The following SCNN1D variants were observed in gnomAD, a reference collection of about 807,000 sequenced individuals.
SCNN1D encodes the protein epithelial sodium channel subunit delta.
SCNN1D carries 104 observed loss-of-function variants against 87.8 expected under a neutral mutation model. The ratio of observed to expected loss-of-function variants is 1.18; its 90% CI spans 1.01 to 1.39. The LOEUF is 1.39. Ranked by LOEUF, SCNN1D falls within the 40% of genes most tolerant of loss-of-function variation. SCNN1D has a pLI of 0.00. For synonymous variants in SCNN1D, 628 were observed against 481.2 expected, an observed-to-expected ratio of 1.31 and a Z score of -3.99; for missense variants, 1,324 against 1,093.9, an observed-to-expected ratio of 1.21 and a Z score of -2.97.
At chr1:1,290,235 C>A (rs1017689918) in intron 12 of SCNN1D, 36 bp from the exon 13 acceptor site, 1 of 1,477,850 alleles carries the variant, frequency 6.8e-7, no homozygotes, top group Non-Finnish European at 9.2e-7. Flanking sequence ...TGTCTCCGCT[C>A]CATCCCATGT....
At chr1:1,290,100 CTG>C (rs1557586202) in intron 12 of SCNN1D, among the ~76,000 whole-genome samples, 169 bp from the exon 13 acceptor site, 1 of 141,850 alleles carries the variant, frequency 7.0e-6, no homozygotes, top group Non-Finnish European at 1.6e-5. Flanking sequence ...TCCCGTGTCT[CTG>C]CTCCGTCCCG....
chr1:1,285,137 G>T (rs187021254), intron 5 of SCNN1D, among the ~76,000 whole-genome samples: 1 of 152,194 alleles, frequency 6.6e-6, no homozygotes, highest in Non-Finnish European at 1.5e-5. Context: ...CCACACACCC[G>T]AGGGGAGCCG....
Position 1,291,469 on chromosome 1 carries a change from C to T in SCNN1D, c.2268C>T (p.Pro756=), listed in dbSNP as rs768227831. ...TCAAGCCAGAGGCCAGTCAGATGCC[C>T]CCGCCTGCAGGCGGCACGTCAGATG... ...SSIKPEASQM[P]PPAGGTSDDP... is the part of the protein sequence containing the mutation. The change falls in exon 18 of 18, where the codon CCC becomes CCT. Residue 756 remains proline (P), a synonymous_variant. Coordinates refer to ENST00000379116, the MANE Select transcript of SCNN1D (RefSeq NM_001130413.4). 9 of 1,608,526 alleles carry T rather than the reference C, an allele frequency of 5.6e-6. No homozygotes were observed. In the South Asian group the frequency reaches 8.8e-5, roughly 16 times the overall value.
chr1:1,290,033 CCGTCCCGTGTCCCTGCT>C, intron 12 of SCNN1D, among the ~76,000 whole-genome samples: 1 of 92,840 alleles, frequency 1.1e-5, no homozygotes, highest in African/African-American at 6.4e-5. Context: ...TGTCTCTGCT[CCGTCCCGTGTCCCTGCT>C]CCGTCCCGTG....
intron 4 of SCNN1D, 77 bp downstream of exon 4, chr1:1,282,392 A>G (rs1475965717): frequency 9.4e-6 from 14 of 1,493,158 alleles, no homozygotes; most frequent in Non-Finnish European, 1.2e-5. Flanking sequence ...AGCCAAGCCC[A>G]GGGACCCAGC....
At chr1:1,287,010 G>A in intron 8 of SCNN1D, 35 bp downstream of exon 8, 1 of 1,599,742 alleles carries the variant, frequency 6.3e-7, no homozygotes, top group Non-Finnish European at 8.5e-7. Flanking sequence ...AGCCATCAGG[G>A]CCTTGAGCTG....
At position 1,291,140 on chromosome 1, in the gene SCNN1D, G is replaced by C. The variant is rs139384205; in HGVS notation, c.2052G>C (p.Ser684=). ...CAGTGGAGGAGGCGCCCGTGTACTC[G>C]GTGAGCCTTGGCCCCCTGCCTGGGC... ...YRSVEEAPVY[S]VPQLLSAMGS... The change falls in exon 17 of 18, where the codon TCG becomes TCC. Residue 684 remains serine (S), a splice_region_variant and synonymous_variant. Transcript: ENST00000379116. 2.5e-6 allele frequency: 4 copies of C among 1,611,144 alleles called. No individual in the cohort carries two copies. Among genetic ancestry groups the C allele is most frequent in the Non-Finnish European group, 3.4e-6 (4 of 1,179,346 alleles).
rs1326267734 is a variant in SCNN1D, at chr1:1,288,513, CCGTGTCCCTGCTCCGT to C, written c.1662+478_1662+493del. 8.2e-4 allele frequency among the ~76,000 whole-genome samples: 92 copies of C among 111,550 alleles called. 2 individuals carry two copies. Among genetic ancestry groups the C allele is most frequent in the East Asian group, 1.7e-3 (6 of 3,550 alleles). 73.2% of individuals were successfully genotyped at this position (111,550 alleles called of 152,430 possible). ...CTCCGTCCCGTGTCTCTGCCCCGTC[CCGTGTCCCTGCTCCGT>C]CCCGTGTCTCTGCTCCGTCCCCCGT... On this transcript the variant is annotated intron_variant, in intron 12 of 17. Transcript: ENST00000379116.
Position 1,291,777 on chromosome 1 carries a change from T to G in SCNN1D, c.*167T>G. On this transcript the variant is annotated 3_prime_UTR_variant, in exon 18 of 18. Transcript: ENST00000379116. Reference sequence around the variant, plus strand: ...TGTCGGCGCCTCTGGTCAAACCACCTACACTGCCTGGGGTGGGTCTCAAGG... The same window carrying G: ...TGTCGGCGCCTCTGGTCAAACCACCGACACTGCCTGGGGTGGGTCTCAAGG... 2.0e-6 allele frequency: 1 copy of G among 508,732 alleles called. No individual in the cohort carries two copies. Among genetic ancestry groups the G allele is most frequent in the Non-Finnish European group, 3.4e-6 (1 of 296,730 alleles). The allele number at this position is 508,732 out of a possible 1,614,324, so 31.5% of individuals were successfully genotyped here.
rs1046767851 is a variant in SCNN1D, at chr1:1,281,218, A to G, written c.6-8A>G. On this transcript the variant is annotated splice_region_variant and splice_polypyrimidine_tract_variant and intron_variant, in intron 1 of 17. Coordinates refer to ENST00000379116, the MANE Select transcript of SCNN1D (RefSeq NM_001130413.4). The stretch of plus-strand genomic sequence containing the variant: ...GTCCCACAGATGCCAGGCGCCTGCC[A>G]TCTCCAGGGCAGTGCTGTCACAGAA... 25 of 1,534,874 alleles carry G rather than the reference A, an allele frequency of 1.6e-5. No homozygotes were observed. The highest frequency in any genetic ancestry group is 2.4e-5 in the East Asian group (1 of 40,922).
chr1:1,283,684 G>A lies in SCNN1D; in HGVS notation c.352-294G>A, dbSNP rs12072430. ...TTGCACTCCAACCTGGGCAACAAGA[G>A]TGAGACTCCATCTCAAGAAAAGAAA... On this transcript the variant is annotated intron_variant, in intron 4 of 17. Transcript: ENST00000379116. 4.9e-3 allele frequency among the ~76,000 whole-genome samples: 746 copies of A among 152,130 alleles called. 4 individuals carry two copies. Among genetic ancestry groups the A allele is most frequent in the African/African-American group, 0.017 (709 of 41,534 alleles).
At position 1,280,560 on chromosome 1, in the gene SCNN1D, C is replaced by A; in HGVS notation, c.-102C>A. On this transcript the variant is annotated 5_prime_UTR_variant, in exon 1 of 18. Coordinates refer to ENST00000379116, the MANE Select transcript of SCNN1D (RefSeq NM_001130413.4). The stretch of plus-strand genomic sequence containing the variant: ...AAGGTCTTATCGCAGATGAAGCCAC[C>A]AGGTCACAAGCCTCAGAGAGAATCA... 1 of 664,654 alleles carries A rather than the reference C, an allele frequency of 1.5e-6. No individual in the cohort carries two copies. Among genetic ancestry groups the A allele is most frequent in the Non-Finnish European group, 2.8e-6 (1 of 357,316 alleles). The allele number at this position is 664,654 out of a possible 1,614,324, so 41.2% of individuals were successfully genotyped here. A position where few individuals can be genotyped will look rare whatever the true frequency, so the allele number is the denominator to read the frequency against.
Position 1,290,430 on chromosome 1 carries a change from C to CGGG in SCNN1D, c.1781-43_1781-41dup, listed in dbSNP as rs5772040. ...GCCTCCCACTCTGTCAGCCATTAGC[C>CGGG]GGGGGGTCACAGCGAGCCTCACACA... On this transcript the variant is annotated intron_variant, in intron 13 of 17. Transcript: ENST00000379116. The CGGG allele has an allele frequency of 4.7e-5, 75 of 1,610,542 alleles. No homozygotes were observed. In the African/African-American group the frequency reaches 4.7e-4, roughly 10 times the overall value.
intron 4 of SCNN1D, 66 bp downstream of exon 4, chr1:1,282,381 C>G (rs1570600918): frequency 6.6e-7 from 1 of 1,521,910 alleles, no homozygotes; most frequent in Non-Finnish European, 8.9e-7. Context: ...TGGGCTCCCC[C>G]AGCCAAGCCC....
intron 5 of SCNN1D, among the ~76,000 whole-genome samples, chr1:1,284,547 G>T (rs148785903): frequency 3.5e-5 from 5 of 144,676 alleles, no homozygotes; most frequent in African/African-American, 7.6e-5. Flanking sequence ...GCTGGACCAC[G>T]GGGGGTGCAC....
intron 4 of SCNN1D, 139 bp from the exon 5 acceptor site, chr1:1,283,839 A>C: frequency 2.2e-6 from 1 of 462,546 alleles, no homozygotes; most frequent in Non-Finnish European, 3.8e-6. Context: ...CAGGATGGGA[A>C]AGATTTCACC....
rs750188539 is a variant in SCNN1D, at chr1:1,287,819, A to G, written c.1546A>G (p.Thr516Ala). Residue 516 changes from threonine (T) to alanine (A), a missense_variant, in exon 11 of 18, where the codon ACC (threonine) becomes GCC (alanine). Transcript: ENST00000379116. The stretch of plus-strand genomic sequence containing the variant: ...CAGCGTCCGGCCAGGGACGGAGGCC[A>G]CCATCAGCATCCGAGAGGTGAGCTG... Reference protein sequence around the residue: ...SFSVRPGTEATISIREDEVHR... With the variant: ...SFSVRPGTEAAISIREDEVHR... 5 of 1,562,912 alleles carry G rather than the reference A, an allele frequency of 3.2e-6. No homozygotes were observed. The highest frequency in any genetic ancestry group is 4.3e-6 in the Non-Finnish European group (5 of 1,153,150).
Position 1,291,365 on chromosome 1 carries a change from C to T in SCNN1D, c.2164C>T (p.Leu722=). ...ELLLDASALT[L]VLGGRRLRRA... The stretch of plus-strand genomic sequence containing the variant: ...GCTGCTCGATGCTTCTGCCCTCACC[C>T]TGGTGCTAGGCGGCCGCCGGCTCCG... The change falls in exon 18 of 18, where the codon CTG becomes TTG. Residue 722 remains leucine (L), a synonymous_variant. Coordinates refer to ENST00000379116, the MANE Select transcript of SCNN1D (RefSeq NM_001130413.4). 6.2e-7 allele frequency: 1 copy of T among 1,608,870 alleles called. No homozygotes were observed. Among genetic ancestry groups the T allele is most frequent in the Middle Eastern group, 1.9e-4 (1 of 5,172 alleles).
chr1:1,290,466 C>A lies in SCNN1D; in HGVS notation c.1781-11C>A. The A allele has an allele frequency of 1.2e-6, 2 of 1,612,644 alleles. No individual in the cohort carries two copies. Among genetic ancestry groups the A allele is most frequent in the Non-Finnish European group, 8.5e-7 (1 of 1,179,882 alleles). On this transcript the variant is annotated splice_polypyrimidine_tract_variant and intron_variant, in intron 13 of 17. Transcript: ENST00000379116. Reference sequence around the variant, plus strand: ...AGCGAGCCTCACACATGCCTCTGACCCCTCCCCAAGGACACTGCTTCTACC... The same window carrying A: ...AGCGAGCCTCACACATGCCTCTGACACCTCCCCAAGGACACTGCTTCTACC...
Sources: gnomAD v4.1 joint callset for allele counts (sites outside exome capture counted in the v4.1 genomes callset) on GRCh38, gnomAD v4.1.1 for gene constraint, MANE v1.5 for transcripts, NCBI Gene and HGNC (gene_info 2026-07-23, HGNC 2026-07-21) for gene names.